ZNF496: variants seen among roughly 807,000 people sequenced by gnomAD.
ZNF496 encodes zinc finger protein 496, also known as NSD1 (nuclear receptor binding SET-domain containing 1)-interacting zinc finger protein 1.
Under a neutral mutation model 58.9 loss-of-function variants are expected in ZNF496, and 11 were observed. That is an observed-to-expected ratio of 0.19 (90% confidence interval 0.12 to 0.31). ZNF496 has a LOEUF of 0.31. Ranked by LOEUF, ZNF496 falls within the 10% of genes least tolerant of loss-of-function variation. ZNF496 has a pLI of 1.00. For synonymous variants in ZNF496, 338 were observed against 318.2 expected (o/e 1.06, Z -0.66); for missense variants, 660 against 783.0 (o/e 0.84, Z 1.88).
rs1003506907 is a variant in ZNF496, at chr1:247,309,574, TAG to T, written c.892+123_892+124del. 1 of 1,468,458 alleles carries T rather than the reference TAG, an allele frequency of 6.8e-7. No individual in the cohort carries two copies. Among genetic ancestry groups the T allele is most frequent in the African/African-American group, 1.4e-5 (1 of 70,686 alleles). 91.0% of individuals were successfully genotyped at this position (1,468,458 alleles called of 1,614,324 possible). On this transcript the variant is annotated intron_variant, in intron 8 of 9. Coordinates refer to ENST00000682384, the MANE Select transcript of ZNF496 (RefSeq NM_032752.3). This position sits in a 1 kb window ranked among gnomAD's most constrained non-coding sequence, Gnocchi z 4.3. The stretch of plus-strand genomic sequence containing the variant: ...CAAGGCAAGACATGCAAGACCCACA[TAG>T]AGTCTGGGGAAATGAAGAAGGCAAT...
rs374738060 is a variant in ZNF496, at chr1:247,329,637, T to C, written c.-37-22A>G. The stretch of plus-strand genomic sequence containing the variant: ...GACCCTATTTCCAAACAGAAATCAC[T>C]GGCTTCAGTGTTCTGGTCTCCTGTG... On this transcript the variant is annotated intron_variant, in intron 3 of 9. Transcript: ENST00000682384. This position sits in a 1 kb window ranked among gnomAD's most constrained non-coding sequence, Gnocchi z 5.5. 1 of 1,511,630 alleles carries C rather than the reference T, an allele frequency of 6.6e-7. No homozygotes were observed. Among genetic ancestry groups the C allele is most frequent in the Non-Finnish European group, 8.8e-7 (1 of 1,133,164 alleles). The allele number at this position is 1,511,630 out of a possible 1,614,324, so 93.6% of individuals were successfully genotyped here.
At chr1:247,319,740 T>C (rs1262387856) in intron 6 of ZNF496, among the ~76,000 whole-genome samples, 1 of 152,070 alleles carries the variant, frequency 6.6e-6, no homozygotes, top group Admixed American at 6.6e-5. Flanking sequence ...CTGGCCAACA[T>C]GGTGAAACCC....
chr1:247,302,739 C>G (rs961292422), intron 9 of ZNF496, among the ~76,000 whole-genome samples: 12 of 152,256 alleles, frequency 7.9e-5, no homozygotes, highest in African/African-American at 2.9e-4. Flanking sequence ...ATCTCGTCTA[C>G]AAGGTGAGAA....
intron 6 of ZNF496, among the ~76,000 whole-genome samples, chr1:247,316,385 C>G (rs780211877): frequency 2.0e-5 from 3 of 152,112 alleles, no homozygotes; most frequent in Non-Finnish European, 4.4e-5. Context: ...GTGCTGGAAA[C>G]TTGATCCCCC....
intron 6 of ZNF496, among the ~76,000 whole-genome samples, chr1:247,318,432 C>A (rs1427878812): frequency 1.3e-5 from 2 of 152,158 alleles, no homozygotes; most frequent in Admixed American, 6.5e-5. Context: ...TAACAAGACA[C>A]AGCATAATTT....
rs1470167282 is a variant in ZNF496, at chr1:247,298,081, C to G, written c.*2438G>C. On this transcript the variant is annotated 3_prime_UTR_variant, in exon 10 of 10. Coordinates refer to ENST00000682384, the MANE Select transcript of ZNF496 (RefSeq NM_032752.3). Reference sequence around the variant, plus strand: ...CACAGGTAGGTGGGGTAAACGTGTACAGAGAGCCTGGCTTCTACTTGGAAT... The same window carrying G: ...CACAGGTAGGTGGGGTAAACGTGTAGAGAGAGCCTGGCTTCTACTTGGAAT... 1.3e-5 allele frequency: 2 copies of G among 152,160 alleles called. No individual in the cohort carries two copies. The highest frequency in any genetic ancestry group is 2.1e-4 in the South Asian group (1 of 4,830). 9.4% of individuals were successfully genotyped at this position (152,160 alleles called of 1,614,324 possible). A position where few individuals can be genotyped will look rare whatever the true frequency, so the allele number is the denominator to read the frequency against.
intron 6 of ZNF496, chr1:247,310,723 C>T: frequency 2.5e-6 from 1 of 396,226 alleles, no homozygotes; most frequent in South Asian, 4.3e-5. Flanking sequence ...TCTGGGGCCT[C>T]TTTTAGGAGG....
intron 6 of ZNF496, chr1:247,312,265 A>T (rs1659625599): frequency 6.6e-6 from 1 of 152,210 alleles, no homozygotes; most frequent in Non-Finnish European, 1.5e-5. Flanking sequence ...CTTCCACAAA[A>T]CACTAATACA....
chr1:247,311,596 G>C (rs927354311), intron 6 of ZNF496: 1 of 152,222 alleles, frequency 6.6e-6, no homozygotes, highest in Non-Finnish European at 1.5e-5. Flanking sequence ...TTTACGGCTT[G>C]AGAATAATCT....
intron 2 of ZNF496, among the ~76,000 whole-genome samples, chr1:247,330,493 C>T (rs906575302): frequency 1.3e-5 from 2 of 152,222 alleles, no homozygotes; most frequent in African/African-American, 4.8e-5. Context: ...CCCCTGGACA[C>T]TGCAGCTGCC....
chr1:247,325,229 A>AG (rs1660084145), intron 5 of ZNF496, among the ~76,000 whole-genome samples: 1 of 152,166 alleles, frequency 6.6e-6, no homozygotes, highest in African/African-American at 2.4e-5. Context: ...GTGCCATTCT[A>AG]GGGGTCTCAG....
chr1:247,318,708 CCAG>C (rs1300966996), intron 6 of ZNF496, among the ~76,000 whole-genome samples: 7 of 152,170 alleles, frequency 4.6e-5, no homozygotes, highest in African/African-American at 1.7e-4. Context: ...AAGTCTATCA[CCAG>C]CAGATCTATC....
chr1:247,309,139 G>T lies in ZNF496; in HGVS notation c.893-551C>A, dbSNP rs1308020701. Reference sequence around the variant, plus strand: ...ATTCTGTACAAAGCTATTTCCTCCTGAAGGAGCAGATGCTTCGAAGCACCA... The same window carrying T: ...ATTCTGTACAAAGCTATTTCCTCCTTAAGGAGCAGATGCTTCGAAGCACCA... On this transcript the variant is annotated intron_variant, in intron 8 of 9. Coordinates refer to ENST00000682384, the MANE Select transcript of ZNF496 (RefSeq NM_032752.3). This position sits in a 1 kb window ranked among gnomAD's most constrained non-coding sequence, Gnocchi z 4.3. The T allele has an allele frequency of 6.1e-6, 1 of 164,850 alleles. No homozygotes were observed. Among genetic ancestry groups the T allele is most frequent in the Non-Finnish European group, 1.3e-5 (1 of 76,016 alleles). The allele number at this position is 164,850 out of a possible 1,614,324, so 10.2% of individuals were successfully genotyped here. A position where few individuals can be genotyped will look rare whatever the true frequency, so the allele number is the denominator to read the frequency against.
At chr1:247,322,438 C>T (rs1659990627) in intron 6 of ZNF496, among the ~76,000 whole-genome samples, 1 of 152,188 alleles carries the variant, frequency 6.6e-6, no homozygotes, top group South Asian at 2.1e-4. Flanking sequence ...GCAGGAGCCA[C>T]ACATCCTGTT....
chr1:247,325,855 C>T (rs1481286562), intron 5 of ZNF496, among the ~76,000 whole-genome samples: 1 of 151,906 alleles, frequency 6.6e-6, no homozygotes, highest in Non-Finnish European at 1.5e-5. Context: ...ATGTAGCTAT[C>T]CCAGATATTC....
At chr1:247,326,773 G>T (rs1271470983) in intron 5 of ZNF496, among the ~76,000 whole-genome samples, 1 of 152,198 alleles carries the variant, frequency 6.6e-6, no homozygotes, top group Non-Finnish European at 1.5e-5. Flanking sequence ...CATATGGGTG[G>T]GCCCTAATCC....
rs542775501 is a variant in ZNF496, at chr1:247,329,418, G to A, written c.161C>T (p.Ala54Val). The A allele has an allele frequency of 1.2e-5, 20 of 1,613,016 alleles. No individual in the cohort carries two copies. Among genetic ancestry groups the A allele is most frequent in the East Asian group, 4.5e-5 (2 of 44,862 alleles). ...GCGCTGCAGGGCCTCCCGGGGGCCC[G>A]CCGCCTCCTGGTAGCGGAAACGGCG... ...LFRRFRYQEAAGPREALQRLW... is the reference protein window; with the variant it reads ...LFRRFRYQEAVGPREALQRLW... The change falls in exon 4 of 10, where the codon GCG becomes GTG. Residue 54 changes from alanine (A) to valine (V), a missense_variant. By Grantham distance (64) the Ala-to-Val change is moderately conservative. Transcript: ENST00000682384. This position sits in a 1 kb window ranked among gnomAD's most constrained non-coding sequence, Gnocchi z 5.5.
At chr1:247,323,836 T>C (rs2103030472) in intron 5 of ZNF496, among the ~76,000 whole-genome samples, 1 of 151,814 alleles carries the variant, frequency 6.6e-6, no homozygotes, top group Non-Finnish European at 1.5e-5. Flanking sequence ...TCTTAGGGTC[T>C]GGATGTGGTG....
At position 247,329,378 on chromosome 1, in the gene ZNF496, G is replaced by A. The variant is rs140768491; in HGVS notation, c.201C>T (p.Cys67=). 7.6e-5 allele frequency: 122 copies of A among 1,613,434 alleles called. No individual in the cohort carries two copies. The Middle Eastern group carries it at 8.3e-4, about 11-fold the overall frequency. Residue 67 remains cysteine, a synonymous_variant, in exon 4 of 10, where the codon TGC becomes TGT. Coordinates refer to ENST00000682384, the MANE Select transcript of ZNF496 (RefSeq NM_032752.3). The surrounding 1 kb of genome is among the most constrained non-coding windows in gnomAD (Gnocchi z 5.5). ...GCCTCTCAGGCCGCAGCCAGCCCCC[G>A]CACAGGTCCCAGAGGCGCTGCAGGG... The part of the protein sequence containing the change: ...REALQRLWDL[C]GGWLRPERHT...
Sources: allele counts gnomAD v4.1 joint callset (sites outside exome capture counted in the v4.1 genomes callset), GRCh38; gene constraint gnomAD v4.1.1; non-coding constraint Gnocchi (gnomAD v3.1); transcripts MANE v1.5; gene names NCBI Gene and HGNC (gene_info 2026-07-23, HGNC 2026-07-21).